The following CREB5 variants were observed in gnomAD, a reference collection of about 807,000 sequenced individuals.
The protein encoded by CREB5 is cyclic AMP-responsive element-binding protein 5.
A neutral mutation model predicts 57.1 loss-of-function variants in CREB5; 19 were observed. The ratio of observed to expected loss-of-function variants is 0.33; its 90% CI spans 0.23 to 0.49. CREB5 has a LOEUF of 0.49. CREB5 is among the 20% of genes least tolerant of loss of function. The probability of loss-of-function intolerance (pLI) is 0.99; values close to 1 mark genes in which losing one functional copy is unlikely to be tolerated. For missense variants in CREB5, 579 were observed against 671.6 expected (o/e 0.86, Z 1.52); for synonymous variants, 238 against 238.3 (o/e 1.00, Z 0.01).
At position 28,671,882 on chromosome 7, in the gene CREB5, ACATTGCTTGG is replaced by A. The variant is rs1583516369; in HGVS notation, c.465-46866_465-46857del. Among the ~76,000 whole-genome samples, 3 of 152,320 alleles carry A rather than the reference ACATTGCTTGG, an allele frequency of 2.0e-5. 1 individual carries two copies. Reference sequence around the variant, plus strand: ...GAGACCTTACAGATTAGCTCTTAGTACATTGCTTGGCATTTAGCAAGGACTTTCTGGTTAG... The same window carrying A: ...GAGACCTTACAGATTAGCTCTTAGTACATTTAGCAAGGACTTTCTGGTTAG... On this transcript the variant is annotated intron_variant, in intron 5 of 10. Coordinates refer to ENST00000357727, the MANE Select transcript of CREB5 (RefSeq NM_182898.4).
At chr7:28,723,664 A>G (rs148607701) in intron 6 of CREB5, among the ~76,000 whole-genome samples, 7 of 152,296 alleles carry the variant, frequency 4.6e-5, no homozygotes, top group African/African-American at 1.7e-4. Context: ...AGGAAGGCCC[A>G]CCACCTCTGA....
rs184516539 is a variant in CREB5, at chr7:28,748,017, C to T, written c.702+23685C>T. Among the ~76,000 whole-genome samples, 305 of 152,308 alleles carry T rather than the reference C, an allele frequency of 2.0e-3. 1 individual carries two copies. The highest frequency in any genetic ancestry group is 3.8e-3 in the Non-Finnish European group (257 of 68,028). ...AGAACCACAGGCCAGGGTCAATGAACGTATTCCAGCTGGGCCTGTGGCCAT... is the reference window on the plus strand; with the variant it reads ...AGAACCACAGGCCAGGGTCAATGAATGTATTCCAGCTGGGCCTGTGGCCAT... On this transcript the variant is annotated intron_variant, in intron 7 of 10. Transcript: ENST00000357727.
chr7:28,704,429 T>A (rs1390946995), intron 5 of CREB5, among the ~76,000 whole-genome samples: 1 of 152,128 alleles, frequency 6.6e-6, no homozygotes, highest in African/African-American at 2.4e-5. Flanking sequence ...AAAATCTACC[T>A]TTAACTGACG....
intron 1 of CREB5, among the ~76,000 whole-genome samples, chr7:28,358,217 G>C (rs1186275784): frequency 6.6e-6 from 1 of 152,172 alleles, no homozygotes. Context: ...GACCTCACAG[G>C]CTCTGTCTAC....
chr7:28,406,721 C>A (rs1860757), intron 1 of CREB5, among the ~76,000 whole-genome samples: 46,189 of 152,084 alleles, frequency 0.3, 7,172 homozygotes, highest in East Asian at 0.52. Flanking sequence ...ACTGCAGCCT[C>A]CATGAAACTC....
At position 28,399,998 on chromosome 7, in the gene CREB5, C is replaced by T. The variant is rs367657586; in HGVS notation, c.-24-94908C>T. ...CCTTGAACCCAGGAGGTGGAGGTTG[C>T]AGTTAGCCGAGATAGTGCCATTGCA... On this transcript the variant is annotated intron_variant, in intron 1 of 9. Transcript: ENST00000396299. Among the ~76,000 whole-genome samples, 63 of 152,258 alleles carry T rather than the reference C, an allele frequency of 4.1e-4. 2 individuals carry two copies. Among genetic ancestry groups the T allele is most frequent in the Middle Eastern group, 6.8e-3 (2 of 294 alleles).
Position 28,785,872 on chromosome 7 carries a change from C to T in CREB5, c.703-18327C>T, listed in dbSNP as rs192946509. On this transcript the variant is annotated intron_variant, in intron 7 of 10. Coordinates refer to ENST00000357727, the MANE Select transcript of CREB5 (RefSeq NM_182898.4). ...CCCTGAAGAATGCACTTGAACTCCA[C>T]GGGATAGAATCCAAAAATTCCAATA... is the stretch of plus-strand genomic sequence containing the variant. Among the ~76,000 whole-genome samples the T allele has an allele frequency of 1.1e-4, 17 of 152,258 alleles. No homozygotes were observed. The East Asian group carries it at 1.7e-3, about 16-fold the overall frequency.
At chr7:28,801,808 C>T (rs1008330813) in intron 7 of CREB5, among the ~76,000 whole-genome samples, 3 of 151,932 alleles carry the variant, frequency 2.0e-5, no homozygotes, top group East Asian at 1.9e-4. Context: ...TAAACATGGC[C>T]GGGTGTGGTG....
chr7:28,821,494 AAAG>A lies in CREB5; in HGVS notation c.*2218_*2220del, dbSNP rs1809770329. ...AAAAGCAAAAAAAGAAAAGAGAAAA[AAAG>A]AAAAAATGCAAATGGAATAATTTTC... On this transcript the variant is annotated 3_prime_UTR_variant, in exon 11 of 11. Transcript: ENST00000357727. 6.6e-6 allele frequency: 1 copy of A among 151,934 alleles called. No individual in the cohort carries two copies. Among genetic ancestry groups the A allele is most frequent in the South Asian group, 2.1e-4 (1 of 4,832 alleles). The allele number at this position is 151,934 out of a possible 1,614,324, so 9.4% of individuals were successfully genotyped here. A position where few individuals can be genotyped will look rare whatever the true frequency, so the allele number is the denominator to read the frequency against.
intron 1 of CREB5, among the ~76,000 whole-genome samples, chr7:28,413,316 A>G (rs1157045983): frequency 6.6e-6 from 1 of 152,156 alleles, no homozygotes; most frequent in Non-Finnish European, 1.5e-5. Flanking sequence ...ATTAAAAAAA[A>G]ACAATAAAAC....
intron 2 of CREB5, among the ~76,000 whole-genome samples, chr7:28,490,008 C>T: frequency 6.6e-6 from 1 of 152,166 alleles, no homozygotes; most frequent in East Asian, 1.9e-4. Context: ...CATTCAGCTT[C>T]TTTGAAGAGA....
At chr7:28,657,018 T>C (rs1321879985) in intron 5 of CREB5, among the ~76,000 whole-genome samples, 1 of 152,108 alleles carries the variant, frequency 6.6e-6, no homozygotes, top group Non-Finnish European at 1.5e-5. Flanking sequence ...AGGGACTTTC[T>C]GAGAGAATTT....
At chr7:28,752,475 G>A (rs1164448023) in intron 7 of CREB5, among the ~76,000 whole-genome samples, 1 of 152,148 alleles carries the variant, frequency 6.6e-6, no homozygotes, top group Non-Finnish European at 1.5e-5. Context: ...CCTTCTCTTT[G>A]TAATTAATAT....
intron 7 of CREB5, among the ~76,000 whole-genome samples, chr7:28,795,663 G>A (rs1217764967): frequency 6.6e-6 from 1 of 152,100 alleles, no homozygotes; most frequent in African/African-American, 2.4e-5. Flanking sequence ...CCCGCTGTCA[G>A]AAGAAAAGAC....
intron 7 of CREB5, among the ~76,000 whole-genome samples, chr7:28,737,346 A>G (rs1033744749): frequency 1.8e-4 from 27 of 151,342 alleles, no homozygotes; most frequent in Admixed American, 1.8e-3. Flanking sequence ...AAAAACAAGG[A>G]ATCAGACTGC....
At chr7:28,483,817 C>T (rs182935280) in intron 1 of CREB5, among the ~76,000 whole-genome samples, 2 of 152,296 alleles carry the variant, frequency 1.3e-5, no homozygotes, top group South Asian at 2.1e-4. Context: ...CTACTGAAAG[C>T]ACCTTTGACT....
At chr7:28,800,569 G>A (rs1369429526) in intron 7 of CREB5, among the ~76,000 whole-genome samples, 2 of 152,230 alleles carry the variant, frequency 1.3e-5, no homozygotes, top group Non-Finnish European at 2.9e-5. Context: ...CTGTGTTTTG[G>A]AGTAGGGGAA....
intron 1 of CREB5, among the ~76,000 whole-genome samples, chr7:28,403,862 T>C (rs928182377): frequency 1.3e-5 from 2 of 152,234 alleles, no homozygotes; most frequent in Admixed American, 1.3e-4. Context: ...TGTCATGGTA[T>C]GTTTTATTTG....
chr7:28,664,258 T>C (rs1290146471), intron 5 of CREB5, among the ~76,000 whole-genome samples: 1 of 152,236 alleles, frequency 6.6e-6, no homozygotes, highest in Non-Finnish European at 1.5e-5. Context: ...CATTCTTGTC[T>C]TCTAGCTATG....
Sources: gnomAD v4.1 joint callset for allele counts (sites outside exome capture counted in the v4.1 genomes callset) on GRCh38, gnomAD v4.1.1 for gene constraint, MANE v1.5 for transcripts, NCBI Gene and HGNC (gene_info 2026-07-23, HGNC 2026-07-21) for gene names.